Variants in SGIP1 observed in about 807,000 individuals in gnomAD.
The protein encoded by SGIP1 is SH3GL interacting endocytic adaptor 1, also known as SH3-containing GRB2-like protein 3-interacting protein 1.
A neutral mutation model predicts 107.5 loss-of-function variants in SGIP1; 38 were observed. That is an observed-to-expected ratio of 0.35 (90% CI 0.27 to 0.46). The LOEUF (loss-of-function observed/expected upper bound fraction) is 0.46. Among genes scored for constraint, SGIP1 ranks in the 20% least tolerant of loss-of-function variants. SGIP1 has a pLI of 1.00. For missense variants in SGIP1, 929 were observed against 1,019.5 expected (o/e 0.91, Z 1.21); for synonymous variants, 365 against 366.1 (o/e 1.00, Z 0.03).
intron 9 of SGIP1, among the ~76,000 whole-genome samples, chr1:66,668,662 C>G (rs2083122035): frequency 6.6e-6 from 1 of 152,114 alleles, no homozygotes; most frequent in South Asian, 2.1e-4. Context: ...ATGCAAATAC[C>G]CTGCCCCAGG....
intron 2 of SGIP1, among the ~76,000 whole-genome samples, chr1:66,628,083 T>A (rs1453830850): frequency 1.3e-5 from 2 of 152,180 alleles, no homozygotes; most frequent in African/African-American, 2.4e-5. Context: ...GAACTCATTA[T>A]TTTTTATGGC....
At position 66,734,942 on chromosome 1, in the gene SGIP1, A is replaced by G. The variant is rs555014353; in HGVS notation, c.2031+1062A>G. Among the ~76,000 whole-genome samples the G allele has an allele frequency of 2.6e-5, 4 of 152,318 alleles. No homozygotes were observed. In the South Asian group the frequency reaches 8.3e-4, roughly 32 times the overall value. On this transcript the variant is annotated intron_variant, in intron 21 of 24. Coordinates refer to ENST00000371037, the MANE Select transcript of SGIP1 (RefSeq NM_032291.4). ...AACTAACATACGTATTACCTCACAT[A>G]GTTATTTTTGTGATGAGAACACTTT...
At chr1:66,588,253 C>T (rs2062954043) in intron 1 of SGIP1, among the ~76,000 whole-genome samples, 1 of 151,856 alleles carries the variant, frequency 6.6e-6, no homozygotes, top group Non-Finnish European at 1.5e-5. Context: ...ATATTTGTCT[C>T]CTTGAAAACA....
At chr1:66,575,945 G>A (rs1415060278) in intron 1 of SGIP1, among the ~76,000 whole-genome samples, 2 of 152,200 alleles carry the variant, frequency 1.3e-5, no homozygotes, top group Non-Finnish European at 2.9e-5. Flanking sequence ...CAGTACGCTA[G>A]GAGCCATGTG....
chr1:66,560,818 G>A (rs1220112310), intron 1 of SGIP1, among the ~76,000 whole-genome samples: 2 of 152,088 alleles, frequency 1.3e-5, no homozygotes, highest in East Asian at 1.9e-4. Context: ...CCTTAGGCAA[G>A]TTCTTAAGCT....
chr1:66,714,616 T>C (rs967171365), intron 18 of SGIP1, among the ~76,000 whole-genome samples: 1 of 152,266 alleles, frequency 6.6e-6, no homozygotes, highest in South Asian at 2.1e-4. Flanking sequence ...AAGTTGTTCT[T>C]ACTGTAAAAA....
intron 1 of SGIP1, among the ~76,000 whole-genome samples, chr1:66,599,762 C>T (rs2065406709): frequency 1.3e-5 from 2 of 152,182 alleles, no homozygotes; most frequent in Non-Finnish European, 2.9e-5. Context: ...CAACTTTAGG[C>T]TCCTGTAACC....
At chr1:66,551,435 T>C (rs137873853) in intron 1 of SGIP1, among the ~76,000 whole-genome samples, 4 of 152,330 alleles carry the variant, frequency 2.6e-5, no homozygotes, top group Non-Finnish European at 5.9e-5. Context: ...CAATCATCAG[T>C]TGACTTCTGT....
At chr1:66,636,777 C>T (rs1439687088) in intron 4 of SGIP1, among the ~76,000 whole-genome samples, 3 of 152,156 alleles carry the variant, frequency 2.0e-5, no homozygotes, top group African/African-American at 4.8e-5. Flanking sequence ...AGGATCATTA[C>T]CTGGCCATGA....
chr1:66,720,133 G>A (rs190262052), intron 19 of SGIP1, among the ~76,000 whole-genome samples: 2 of 152,180 alleles, frequency 1.3e-5, no homozygotes, highest in African/African-American at 4.8e-5. Context: ...AAAATCAATG[G>A]TTTCCCTGAA....
At chr1:66,682,502 G>A (rs2086983277) in intron 15 of SGIP1, 133 bp downstream of exon 15, 18 of 1,098,214 alleles carry the variant, frequency 1.6e-5, no homozygotes, top group Non-Finnish European at 2.4e-5. Context: ...TGGGTGTCCT[G>A]TGGCCCCACA....
chr1:66,623,326 TACA>T (rs1440424239), intron 1 of SGIP1, among the ~76,000 whole-genome samples: 9 of 152,238 alleles, frequency 5.9e-5, no homozygotes, highest in African/African-American at 2.2e-4. Context: ...CTTGACTCAC[TACA>T]ACCTCTGCCT....
Position 66,745,740 on chromosome 1 carries a change from C to A in SGIP1, c.*2645C>A, listed in dbSNP as rs2094543761. On this transcript the variant is annotated 3_prime_UTR_variant, in exon 25 of 25. Transcript: ENST00000371037. ...TGAACGTTATGATCTTTAAAAGGTT[C>A]TGCTTTAGCAAGATAAAAAGTATAA... The A allele has an allele frequency of 6.6e-6, 1 of 151,978 alleles. No individual in the cohort carries two copies. The highest frequency in any genetic ancestry group is 1.5e-5 in the Non-Finnish European group (1 of 67,910). 9.4% of individuals were successfully genotyped at this position (151,978 alleles called of 1,614,324 possible). A position where few individuals can be genotyped will look rare whatever the true frequency, so the allele number is the denominator to read the frequency against.
intron 3 of SGIP1, chr1:66,634,088 A>G: frequency 6.2e-7 from 1 of 1,606,538 alleles, no homozygotes; most frequent in Non-Finnish European, 8.5e-7. Flanking sequence ...AGCAGGGGAA[A>G]AAAAAGACCC....
At chr1:66,632,994 T>A (rs550733120) in intron 2 of SGIP1, 76 bp from the exon 3 acceptor site, 17 of 936,810 alleles carry the variant, frequency 1.8e-5, no homozygotes, top group African/African-American at 1.8e-4. Context: ...GGTTATTGGT[T>A]CTTACTGTTG....
At chr1:66,651,367 A>C (rs951810544) in intron 7 of SGIP1, among the ~76,000 whole-genome samples, 2 of 152,128 alleles carry the variant, frequency 1.3e-5, no homozygotes, top group African/African-American at 2.4e-5. Flanking sequence ...TTATTATCTC[A>C]CTCGAAGCAT....
At chr1:66,634,184 T>C (rs1052289923) in intron 3 of SGIP1, 1 of 1,598,608 alleles carries the variant, frequency 6.3e-7, no homozygotes, top group Non-Finnish European at 8.5e-7. Context: ...CTTCTGTGTC[T>C]CTTCTTTGCT....
chr1:66,702,685 T>G (rs1299615808), intron 18 of SGIP1, among the ~76,000 whole-genome samples: 1 of 152,232 alleles, frequency 6.6e-6, no homozygotes, highest in African/African-American at 2.4e-5. Context: ...ACTTAGAAGC[T>G]TCTTGTATCT....
intron 18 of SGIP1, among the ~76,000 whole-genome samples, chr1:66,703,232 T>C (rs1281041672): frequency 6.6e-6 from 1 of 152,058 alleles, no homozygotes; most frequent in African/African-American, 2.4e-5. Flanking sequence ...AATAGAAGAA[T>C]AGAAGAAAGA....
Sources: gnomAD v4.1 joint callset for allele counts (sites outside exome capture counted in the v4.1 genomes callset) on GRCh38, gnomAD v4.1.1 for gene constraint, MANE v1.5 for transcripts, NCBI Gene and HGNC (gene_info 2026-07-23, HGNC 2026-07-21) for gene names.